PSMA1: variants seen among roughly 807,000 people sequenced by gnomAD.
PSMA1 encodes the protein proteasome 20S subunit alpha 1.
In PSMA1, 3 loss-of-function variants were observed where a neutral mutation model predicts 38.4. The ratio of observed to expected loss-of-function variants is 0.08; its 90% CI spans 0.04 to 0.20. PSMA1 has a LOEUF of 0.20. Among genes scored for constraint, PSMA1 ranks in the 10% least tolerant of loss-of-function variants. PSMA1 has a pLI of 1.00. For missense variants in PSMA1, 227 were observed against 325.3 expected, an observed-to-expected ratio of 0.70 and a Z score of 2.32; for synonymous variants, 101 against 107.1, an observed-to-expected ratio of 0.94 and a Z score of 0.35.
Position 14,534,524 on chromosome 11 carries a change from G to A in PSMA1, c.22-15483C>T, listed in dbSNP as rs976017933. On this transcript the variant is annotated intron_variant, in intron 2 of 10. Coordinates refer to the PSMA1 transcript ENST00000418988. The surrounding 1 kb of genome is among the most constrained non-coding windows in gnomAD (Gnocchi z 4.5). ...TTTTAGGACAGGCTTTTGCTCTGTT[G>A]CCCAGGCTGGAGTGCAGTGGTGTGA... 2.0e-5 allele frequency among the ~76,000 whole-genome samples: 3 copies of A among 151,912 alleles called. No individual in the cohort carries two copies. Among genetic ancestry groups the A allele is most frequent in the Admixed American group, 6.6e-5 (1 of 15,254 alleles).
intron 2 of PSMA1, among the ~76,000 whole-genome samples, chr11:14,530,628 A>T (rs548827660): frequency 1.3e-5 from 2 of 152,260 alleles, no homozygotes; most frequent in East Asian, 3.9e-4. Context: ...AGTGGGCTGG[A>T]TGCAGTGGCT....
chr11:14,571,306 G>A (rs928619206), intron 2 of PSMA1, among the ~76,000 whole-genome samples: 4 of 152,262 alleles, frequency 2.6e-5, no homozygotes, highest in Admixed American at 6.5e-5. Flanking sequence ...CCCGTGATCT[G>A]CCCGCCTTGG....
At chr11:14,638,583 ATATTTTTTTTTTTT>A (rs1853156923) in intron 1 of PSMA1, among the ~76,000 whole-genome samples, 1 of 7,496 alleles carries the variant, frequency 1.3e-4, no homozygotes, top group African/African-American at 6.0e-4. Flanking sequence ...ATATATATAT[ATATTTTTTTTTTTT>A]TTTTTTTTTT....
chr11:14,557,907 T>A (rs1233549541), intron 2 of PSMA1, among the ~76,000 whole-genome samples: 1 of 152,162 alleles, frequency 6.6e-6, no homozygotes, highest in African/African-American at 2.4e-5. Flanking sequence ...ATCTGGTGCC[T>A]CCAATTGCAG....
chr11:14,616,562 C>T (rs1852776676), intron 1 of PSMA1, among the ~76,000 whole-genome samples: 1 of 151,986 alleles, frequency 6.6e-6, no homozygotes, highest in Non-Finnish European at 1.5e-5. Context: ...AACACTTTTT[C>T]CTGCTTGAGT....
intron 2 of PSMA1, among the ~76,000 whole-genome samples, chr11:14,597,657 C>T (rs186714635): frequency 3.7e-4 from 57 of 152,042 alleles, no homozygotes; most frequent in South Asian, 4.2e-4. Flanking sequence ...GTCTTGCTAG[C>T]GGTCTATCCT....
intron 2 of PSMA1, among the ~76,000 whole-genome samples, chr11:14,543,527 G>A (rs1317264891): frequency 1.3e-5 from 2 of 151,182 alleles, no homozygotes; most frequent in East Asian, 3.9e-4. Flanking sequence ...ACTTGATTTG[G>A]TTTCTTTTTT....
chr11:14,546,495 T>C (rs1034330309), intron 2 of PSMA1, among the ~76,000 whole-genome samples: 1 of 152,104 alleles, frequency 6.6e-6, no homozygotes, highest in Non-Finnish European at 1.5e-5. Flanking sequence ...TGGAGTACAA[T>C]GGCACGATCT....
intron 1 of PSMA1, among the ~76,000 whole-genome samples, chr11:14,625,014 C>G (rs1239527897): frequency 2.0e-5 from 3 of 152,140 alleles, no homozygotes; most frequent in Non-Finnish European, 4.4e-5. Flanking sequence ...AGCAATGGGG[C>G]TCCAGTTCAT....
intron 2 of PSMA1, among the ~76,000 whole-genome samples, chr11:14,593,616 G>C (rs1224937389): frequency 1.9e-4 from 2 of 10,652 alleles, no homozygotes; most frequent in Non-Finnish European, 3.4e-4. Flanking sequence ...GGAAAAATGA[G>C]AGAGAGAGAG....
intron 1 of PSMA1, 173 bp downstream of exon 1, chr11:14,520,124 C>T: frequency 2.8e-6 from 3 of 1,053,902 alleles, no homozygotes; most frequent in Non-Finnish European, 4.3e-6. Context: ...TACCGATAAC[C>T]CCTAGCCCGG....
At chr11:14,611,386 G>C (rs1408260852) in intron 1 of PSMA1, among the ~76,000 whole-genome samples, 1 of 152,088 alleles carries the variant, frequency 6.6e-6, no homozygotes, top group Non-Finnish European at 1.5e-5. Context: ...CTTAAAATGA[G>C]GTTAGTGGTC....
At chr11:14,548,458 A>G (rs1041474402) in intron 2 of PSMA1, among the ~76,000 whole-genome samples, 9 of 152,168 alleles carry the variant, frequency 5.9e-5, no homozygotes, top group African/African-American at 1.9e-4. Flanking sequence ...TTACATACAT[A>G]TGTATGTATA....
intron 2 of PSMA1, among the ~76,000 whole-genome samples, chr11:14,562,154 G>A (rs1183022089): frequency 6.6e-6 from 1 of 152,224 alleles, no homozygotes; most frequent in East Asian, 1.9e-4. Context: ...ACTGTGGGAG[G>A]TGGGATGAGG....
At chr11:14,514,040 A>G (rs1220900932) in intron 5 of PSMA1, 153 bp from the exon 6 acceptor site, 11 of 1,335,652 alleles carry the variant, frequency 8.2e-6, no homozygotes, top group Non-Finnish European at 1.1e-5. Flanking sequence ...TCTTTGGCCT[A>G]ATATAAAATG....
chr11:14,505,083 G>T lies in PSMA1; in HGVS notation c.*109C>A. The T allele has an allele frequency of 1.0e-6, 1 of 979,530 alleles. No homozygotes were observed. Among genetic ancestry groups the T allele is most frequent in the Non-Finnish European group, 1.6e-6 (1 of 609,968 alleles). The allele number at this position is 979,530 out of a possible 1,614,324, so 60.7% of individuals were successfully genotyped here. ...CATCTGGACTGATTCCTAAAACATA[G>T]CATTCCACCACTCTGCAACTTTTGG... On this transcript the variant is annotated 3_prime_UTR_variant, in exon 10 of 10. Transcript: ENST00000396394.
rs1851332029 is a variant in PSMA1, at chr11:14,510,940, C to G, written c.556G>C (p.Glu186Gln). Residue 186 changes from glutamate (E) to glutamine (Q), a missense_variant, in exon 8 of 10, where the codon GAA (glutamate) becomes CAA (glutamine). Transcript: ENST00000396394. Reference sequence around the variant, plus strand: ...GCACGCAGACCATGTTTAACTAGTTCATTTAAATTACCTATATGTAATAAA... The same window carrying G: ...GCACGCAGACCATGTTTAACTAGTTGATTTAAATTACCTATATGTAATAAA... ...MSEFMECNLN[E>Q]LVKHGLRALR... 6.3e-7 allele frequency: 1 copy of G among 1,591,276 alleles called. No individual in the cohort carries two copies. Among genetic ancestry groups the G allele is most frequent in the Non-Finnish European group, 8.6e-7 (1 of 1,165,076 alleles).
intron 1 of PSMA1, among the ~76,000 whole-genome samples, chr11:14,642,943 A>C (rs1419202960): frequency 6.6e-6 from 1 of 152,140 alleles, no homozygotes; most frequent in Admixed American, 6.5e-5. Context: ...TTACAGTGAA[A>C]AAGCCTTCAA....
At chr11:14,564,951 A>C (rs1052047587) in intron 2 of PSMA1, among the ~76,000 whole-genome samples, 1 of 151,920 alleles carries the variant, frequency 6.6e-6, no homozygotes, top group East Asian at 1.9e-4. Flanking sequence ...CTAATTAAAA[A>C]AATTTTTTTG....
Sources: allele counts gnomAD v4.1 joint callset (sites outside exome capture counted in the v4.1 genomes callset), GRCh38; gene constraint gnomAD v4.1.1; non-coding constraint Gnocchi (gnomAD v3.1); transcripts MANE v1.5; gene names NCBI Gene and HGNC (gene_info 2026-07-23, HGNC 2026-07-21).